ZNF521: variants seen among roughly 807,000 people sequenced by gnomAD.
ZNF521 encodes zinc finger protein 521.
Under a neutral mutation model 105.5 loss-of-function variants are expected in ZNF521, and 14 were observed. The observed-to-expected ratio is 0.13, with a 90% confidence interval of 0.09 to 0.21. ZNF521 has a LOEUF of 0.21. ZNF521 is among the 10% of genes least tolerant of loss of function. The pLI, the probability that ZNF521 is intolerant of heterozygous loss-of-function variation, is 1.00. For missense variants in ZNF521, 1,233 were observed against 1,629.7 expected (o/e 0.76, Z 4.19); for synonymous variants, 635 against 606.0 (o/e 1.05, Z -0.70).
intron 2 of ZNF521, among the ~76,000 whole-genome samples, chr18:25,349,954 C>G (rs1266106627): frequency 6.6e-6 from 1 of 151,692 alleles, no homozygotes; most frequent in Non-Finnish European, 1.5e-5. Flanking sequence ...CTCTCCGCCT[C>G]GGAGCGCCGG....
chr18:25,259,646 G>T lies in ZNF521; in HGVS notation c.221-31949C>A, dbSNP rs568718423. 5.3e-5 allele frequency among the ~76,000 whole-genome samples: 8 copies of T among 152,154 alleles called. No individual in the cohort carries two copies. The East Asian group carries it at 1.4e-3, about 26-fold the overall frequency. Reference sequence around the variant, plus strand: ...ATTTCAAGACGATCATTCCATCCACGCATTGGGCAATAAAGATCTGTTGAG... The same window carrying T: ...ATTTCAAGACGATCATTCCATCCACTCATTGGGCAATAAAGATCTGTTGAG... On this transcript the variant is annotated intron_variant, in intron 3 of 7. Transcript: ENST00000361524.
At chr18:25,192,310 G>T (rs1224596808) in intron 5 of ZNF521, among the ~76,000 whole-genome samples, 3 of 152,116 alleles carry the variant, frequency 2.0e-5, no homozygotes, top group Non-Finnish European at 4.4e-5. Context: ...CTTAAGAAGA[G>T]CACCTCTGGT....
chr18:25,333,870 C>T (rs1913728786), intron 2 of ZNF521, among the ~76,000 whole-genome samples: 1 of 152,158 alleles, frequency 6.6e-6, no homozygotes, highest in African/African-American at 2.4e-5. Context: ...CTAGTCAGCC[C>T]AAAGCCAGGT....
chr18:25,191,663 T>C (rs2035820672), intron 5 of ZNF521, among the ~76,000 whole-genome samples: 1 of 152,204 alleles, frequency 6.6e-6, no homozygotes, highest in Non-Finnish European at 1.5e-5. Flanking sequence ...TTCTCATAAA[T>C]AGTTCTTGGC....
chr18:25,186,403 T>G (rs73404936), intron 5 of ZNF521, among the ~76,000 whole-genome samples: 9,314 of 152,260 alleles, frequency 0.061, 675 homozygotes, highest in African/African-American at 0.18. Context: ...CAAATTCATT[T>G]GTATTATAGA....
At chr18:25,066,113 C>T (rs1431420602) in intron 7 of ZNF521, among the ~76,000 whole-genome samples, 2 of 152,206 alleles carry the variant, frequency 1.3e-5, no homozygotes, top group Non-Finnish European at 2.9e-5. Flanking sequence ...GAGATGCCTG[C>T]AGACCACGGA....
At chr18:25,304,001 T>C (rs1048177426) in intron 3 of ZNF521, among the ~76,000 whole-genome samples, 8 of 152,188 alleles carry the variant, frequency 5.3e-5, no homozygotes, top group Admixed American at 1.3e-4. Context: ...TAATTAACAA[T>C]TGTCAATCAC....
intron 7 of ZNF521, among the ~76,000 whole-genome samples, chr18:25,064,960 T>C (rs1295411365): frequency 6.6e-6 from 1 of 152,326 alleles, no homozygotes; most frequent in African/African-American, 2.4e-5. Flanking sequence ...TATATTGATT[T>C]TTAATACTTC....
rs1405726168 is a variant in ZNF521, at chr18:25,127,319, A to G, written c.3659-35238T>C. Reference sequence around the variant, plus strand: ...ATACAGAGTGGGATAAAGAGGACCGACATAGAGACTTCCTAGCAGAGTAAT... The same window carrying G: ...ATACAGAGTGGGATAAAGAGGACCGGCATAGAGACTTCCTAGCAGAGTAAT... On this transcript the variant is annotated intron_variant, in intron 5 of 7. Transcript: ENST00000361524. Among the ~76,000 whole-genome samples, 4 of 152,192 alleles carry G rather than the reference A, an allele frequency of 2.6e-5. No homozygotes were observed. The East Asian group carries it at 5.8e-4, about 22-fold the overall frequency.
In ZNF521 at chr18:25,144,853, T is replaced by C. The variant is rs1396993511; in HGVS notation, c.3658+50307A>G. Among the ~76,000 whole-genome samples, 3 of 152,164 alleles carry C rather than the reference T, an allele frequency of 2.0e-5. No homozygotes were observed. In the East Asian group the frequency reaches 5.8e-4, roughly 29 times the overall value. ...AATCTCAAGATAAAGGCTAAAGATCTATTGTCCCTACATGCTGTCCAAGAA... is the reference window on the plus strand; with the variant it reads ...AATCTCAAGATAAAGGCTAAAGATCCATTGTCCCTACATGCTGTCCAAGAA... On this transcript the variant is annotated intron_variant, in intron 5 of 7. Coordinates refer to ENST00000361524, the MANE Select transcript of ZNF521 (RefSeq NM_015461.3).
chr18:25,274,911 T>TA (rs1909933034), intron 3 of ZNF521, among the ~76,000 whole-genome samples: 1 of 152,122 alleles, frequency 6.6e-6, no homozygotes, highest in South Asian at 2.1e-4. Context: ...GCATGGCAAG[T>TA]ACCTCAATAT....
chr18:25,065,023 T>A (rs941549231), intron 7 of ZNF521, among the ~76,000 whole-genome samples: 3 of 152,202 alleles, frequency 2.0e-5, no homozygotes, highest in Non-Finnish European at 2.9e-5. Context: ...AAAGTACTAA[T>A]GAGACCGAAA....
intron 4 of ZNF521, among the ~76,000 whole-genome samples, chr18:25,221,603 T>C (rs1189381786): frequency 6.6e-6 from 1 of 152,180 alleles, no homozygotes; most frequent in Non-Finnish European, 1.5e-5. Flanking sequence ...CCACCTATGT[T>C]GCTAAGTCCT....
rs555668928 is a variant in ZNF521 at position 25,127,886 on chromosome 18, T to A, written c.3659-35805A>T. On this transcript the variant is annotated intron_variant, in intron 5 of 7. Transcript: ENST00000361524. ...GGATAATGGAAAATAGTGAAATGTA[T>A]CAAACATCGAAGAAACAAATGACAC... is the stretch of plus-strand genomic sequence containing the variant. Among the ~76,000 whole-genome samples the A allele has an allele frequency of 2.6e-5, 4 of 152,108 alleles. No individual in the cohort carries two copies. In the East Asian group the frequency reaches 7.7e-4, roughly 29 times the overall value.
At chr18:25,125,083 A>G (rs1353923852) in intron 5 of ZNF521, among the ~76,000 whole-genome samples, 1 of 152,156 alleles carries the variant, frequency 6.6e-6, no homozygotes, top group Non-Finnish European at 1.5e-5. Flanking sequence ...GTATGCATGG[A>G]TCCGATAGTA....
chr18:25,347,913 G>C (rs1157441065), intron 2 of ZNF521, among the ~76,000 whole-genome samples: 1 of 152,180 alleles, frequency 6.6e-6, no homozygotes, highest in East Asian at 1.9e-4. Context: ...TAGTATGCAT[G>C]TAAGACAGAA....
intron 3 of ZNF521, among the ~76,000 whole-genome samples, chr18:25,288,595 GA>G (rs71375174): frequency 0.079 from 8,364 of 106,268 alleles, 197 homozygotes; most frequent in African/African-American, 0.1. Flanking sequence ...ACCCAGCTTT[GA>G]AAAAAAAAAA....
intron 5 of ZNF521, among the ~76,000 whole-genome samples, chr18:25,130,483 C>A (rs1249339673): frequency 6.6e-6 from 1 of 152,090 alleles, no homozygotes; most frequent in South Asian, 2.1e-4. Flanking sequence ...AAACCGTGAA[C>A]TTTAATGTAT....
chr18:25,100,292 G>T (rs2033942124), intron 5 of ZNF521, among the ~76,000 whole-genome samples: 1 of 152,120 alleles, frequency 6.6e-6, no homozygotes, highest in East Asian at 1.9e-4. Flanking sequence ...AAATGTTATG[G>T]TCCTTGACAA....
Sources: allele counts gnomAD v4.1 joint callset (sites outside exome capture counted in the v4.1 genomes callset), GRCh38; gene constraint gnomAD v4.1.1; transcripts MANE v1.5; gene names NCBI Gene and HGNC (gene_info 2026-07-23, HGNC 2026-07-21).